Variants in CASK observed in about 807,000 individuals in gnomAD.
The protein encoded by CASK is calcium/calmodulin dependent serine protein kinase.
In CASK, 4 loss-of-function variants were observed where a neutral mutation model predicts 82.9. That is an observed-to-expected ratio of 0.05 (90% confidence interval 0.02 to 0.11). The LOEUF (loss-of-function observed/expected upper bound fraction) is 0.11, where lower values mean the gene tolerates loss of function less well. Ranked by LOEUF, CASK falls within the 10% of genes least tolerant of loss-of-function variation. The pLI, the probability that CASK is intolerant of heterozygous loss-of-function variation, is 1.00. For missense variants in CASK, 358 were observed against 720.9 expected, an observed-to-expected ratio of 0.50 and a Z score of 5.76; for synonymous variants, 259 against 253.5, an observed-to-expected ratio of 1.02 and a Z score of -0.20.
intron 15 of CASK, among the ~76,000 whole-genome samples, chrX:41,578,097 T>C (rs1234664065): frequency 9.0e-6 from 1 of 111,642 alleles, no homozygotes; most frequent in African/African-American, 3.3e-5. Context: ...TCCCCTTTTT[T>C]TGGTTGAAGG....
intron 1 of CASK, among the ~76,000 whole-genome samples, chrX:41,876,135 ATACT>A (rs2071812134): frequency 9.0e-6 from 1 of 111,271 alleles, no homozygotes; most frequent in Non-Finnish European, 1.9e-5. Context: ...TTAGTAACAG[ATACT>A]TTATTAGTAT....
At chrX:41,788,300 TATC>T (rs200812149) in intron 2 of CASK, among the ~76,000 whole-genome samples, 1 of 110,755 alleles carries the variant, frequency 9.0e-6, no homozygotes, top group Non-Finnish European at 1.9e-5. Flanking sequence ...AAGTTGTTAA[TATC>T]ATCATCATCA....
rs1158603320 is a variant in CASK at position 41,519,498 on chromosome X, C to G, written c.*922G>C. ...AAACCAGCAATTCCCCCCACCCCAC[C>G]TTACAACAAATTAAATTGAGACAAA... On this transcript the variant is annotated 3_prime_UTR_variant, in exon 27 of 27. Transcript: ENST00000378163. The G allele has an allele frequency of 9.0e-6, 1 of 111,219 alleles. No homozygotes were observed. The highest frequency in any genetic ancestry group is 3.3e-5 in the African/African-American group (1 of 30,554). 9.2% of individuals were successfully genotyped at this position (111,219 alleles called of 1,213,427 possible).
At chrX:41,721,127 T>G (rs1276675015) in intron 5 of CASK, among the ~76,000 whole-genome samples, 1 of 111,291 alleles carries the variant, frequency 9.0e-6, no homozygotes, top group East Asian at 2.8e-4. Flanking sequence ...CATTTGGACT[T>G]GGACAATAGA....
chrX:41,812,649 A>C (rs1471348110), intron 2 of CASK, among the ~76,000 whole-genome samples: 1 of 111,789 alleles, frequency 8.9e-6, no homozygotes, highest in Non-Finnish European at 1.9e-5. Context: ...GAATGGGCAA[A>C]AACTGGAAGC....
chrX:41,740,458 G>A (rs1260251636), intron 4 of CASK, among the ~76,000 whole-genome samples: 1 of 105,084 alleles, frequency 9.5e-6, no homozygotes. Context: ...ACATGTGTAT[G>A]TGACTCAGGA....
intron 2 of CASK, among the ~76,000 whole-genome samples, chrX:41,792,791 T>A (rs2069760211): frequency 8.9e-6 from 1 of 111,948 alleles, no homozygotes; most frequent in Admixed American, 9.5e-5. Flanking sequence ...AAGTTACTTT[T>A]TTTGTACTAT....
In CASK at chrX:41,787,159, A is replaced by T; in HGVS notation, c.278+19T>A. The T allele has an allele frequency of 1.1e-6, 1 of 940,205 alleles. No homozygotes were observed. The highest frequency in any genetic ancestry group is 1.5e-6 in the Non-Finnish European group (1 of 647,229). The allele number at this position is 940,205 out of a possible 1,213,427, so 77.5% of individuals were successfully genotyped here. On this transcript the variant is annotated intron_variant, in intron 3 of 26. Coordinates refer to ENST00000378163, the MANE Select transcript of CASK (RefSeq NM_001367721.1). ...ATTGCTTCAAGTTTTACCCTTTAAG[A>T]ATTAAAATACACACTCACAATTCGA...
At chrX:41,854,210 G>A (rs761434689) in intron 1 of CASK, among the ~76,000 whole-genome samples, 5 of 88,358 alleles carry the variant, frequency 5.7e-5, no homozygotes, top group South Asian at 6.0e-4. Context: ...ACATGCGCGC[G>A]CGCGCGGGCG....
rs772189964 is a variant in CASK, at chrX:41,770,313, T to TATCCATCCATCC, written c.278+16853_278+16864dup. ...CTATCTATCTACCTACCTACCTACC[T>TATCCATCCATCC]ATCCATCCATCCATCCATCCATCCA... On this transcript the variant is annotated intron_variant, in intron 3 of 26. Transcript: ENST00000378163. Among the ~76,000 whole-genome samples the TATCCATCCATCC allele has an allele frequency of 7.4e-4, 71 of 95,930 alleles. 2 individuals are homozygous for TATCCATCCATCC. The highest frequency in any genetic ancestry group is 4.9e-3 in the South Asian group (10 of 2,060). The allele number at this position is 95,930 out of a possible 115,157, so 83.3% of individuals were successfully genotyped here.
chrX:41,639,439 T>A (rs7066484), intron 8 of CASK, among the ~76,000 whole-genome samples: 23 of 93,174 alleles, frequency 2.5e-4, no homozygotes, highest in Admixed American at 2.0e-3. Context: ...GATGAGGGTT[T>A]AAAAAAAAAA....
At chrX:41,666,899 G>A (rs1387089915) in intron 6 of CASK, among the ~76,000 whole-genome samples, 1 of 111,520 alleles carries the variant, frequency 9.0e-6, no homozygotes, top group Admixed American at 9.6e-5. Context: ...TGGACAGGGA[G>A]GGGCCACTGG....
chrX:41,560,553 C>T (rs184665025), intron 17 of CASK, among the ~76,000 whole-genome samples: 1,874 of 106,537 alleles, frequency 0.018, 39 homozygotes, highest in African/African-American at 0.06. Flanking sequence ...CATGAGCCAC[C>T]GCACCCAGCC....
chrX:41,521,713 C>T (rs1324083283), intron 26 of CASK, among the ~76,000 whole-genome samples: 1 of 111,987 alleles, frequency 8.9e-6, no homozygotes, highest in Non-Finnish European at 1.9e-5. Flanking sequence ...ATTAACCACC[C>T]CCTACCTGCC....
intron 1 of CASK, among the ~76,000 whole-genome samples, chrX:41,870,028 C>G (rs908978957): frequency 2.8e-5 from 3 of 108,415 alleles, no homozygotes; most frequent in Admixed American, 1.0e-4. Flanking sequence ...CAACTGGGGT[C>G]CCAGCAGGAG....
intron 5 of CASK, among the ~76,000 whole-genome samples, chrX:41,718,623 G>T (rs2068105387): frequency 1.8e-5 from 2 of 112,529 alleles, no homozygotes; most frequent in African/African-American, 6.5e-5. Context: ...CTTGTTGAAT[G>T]AGAGAATAGA....
At chrX:41,807,396 A>G (rs1336061002) in intron 2 of CASK, among the ~76,000 whole-genome samples, 1 of 111,761 alleles carries the variant, frequency 8.9e-6, no homozygotes, top group African/African-American at 3.3e-5. Flanking sequence ...TGACTTGACC[A>G]TTTGAAGTAA....
intron 8 of CASK, among the ~76,000 whole-genome samples, chrX:41,653,571 T>C (rs147632368): frequency 8.9e-6 from 1 of 111,949 alleles, no homozygotes; most frequent in Non-Finnish European, 1.9e-5. Context: ...GCCACTAGCC[T>C]TCAAGCTGAC....
rs747587301 is a variant in CASK at position 41,665,325 on chromosome X, G to A, written c.660C>T (p.Tyr220=). The change falls in exon 7 of 27, where the codon TAC becomes TAT. Residue 220 remains tyrosine, a synonymous_variant. Coordinates refer to ENST00000378163, the MANE Select transcript of CASK (RefSeq NM_001367721.1). ...CTTCAAACAATCTTTCCTTGGTTCCGTAAAAAGGCAAACAACCACTGAGCA... is the reference window on the plus strand; with the variant it reads ...CTTCAAACAATCTTTCCTTGGTTCCATAAAAAGGCAAACAACCACTGAGCA... ...FILLSGCLPF[Y]GTKERLFEGI... The A allele has an allele frequency of 2.9e-5, 35 of 1,207,320 alleles. No homozygotes were observed. The highest frequency in any genetic ancestry group is 3.9e-5 in the Non-Finnish European group (35 of 893,116).
Sources: allele counts gnomAD v4.1 joint callset (sites outside exome capture counted in the v4.1 genomes callset), GRCh38; gene constraint gnomAD v4.1.1; transcripts MANE v1.5; gene names NCBI Gene and HGNC (gene_info 2026-07-23, HGNC 2026-07-21).